The following EYS variants were observed in gnomAD, a reference collection of about 807,000 sequenced individuals.
The protein encoded by EYS is EGF-like photoreceptor maintenance factor.
In EYS, 250 loss-of-function variants were observed where a neutral mutation model predicts 282.1. That is an observed-to-expected ratio of 0.89 (90% CI 0.80 to 0.98). The LOEUF is 0.98. Among genes scored for constraint, EYS ranks in the 50% least tolerant of loss-of-function variants. EYS has a pLI of 0.00. For synonymous variants in EYS, 1,355 were observed against 1,282.9 expected (o/e 1.06, Z -1.20); for missense variants, 4,016 against 3,709.0 (o/e 1.08, Z -2.15).
chr6:63,754,351 C>T (rs1769422005), intron 41 of EYS, among the ~76,000 whole-genome samples: 1 of 152,054 alleles, frequency 6.6e-6, no homozygotes. Flanking sequence ...CAGCCCCCCA[C>T]TCCACAACAG....
At chr6:64,446,985 G>T (rs1041455472) in intron 26 of EYS, among the ~76,000 whole-genome samples, 27 of 126,510 alleles carry the variant, frequency 2.1e-4, no homozygotes, top group Admixed American at 4.1e-4. Context: ...ATGTGTGTGT[G>T]TGGGGGGGGG....
At chr6:65,352,076 C>G (rs1488205947) in intron 9 of EYS, among the ~76,000 whole-genome samples, 1 of 151,848 alleles carries the variant, frequency 6.6e-6, no homozygotes, top group Non-Finnish European at 1.5e-5. Context: ...ATGCTTTGCT[C>G]TCTTCTACCA....
intron 22 of EYS, among the ~76,000 whole-genome samples, chr6:64,695,064 G>A (rs1770528097): frequency 6.6e-6 from 1 of 151,708 alleles, no homozygotes; most frequent in Non-Finnish European, 1.5e-5. Context: ...ATTATTCTAG[G>A]GGCCTGAGAA....
chr6:65,531,728 G>A (rs141058259), intron 2 of EYS, among the ~76,000 whole-genome samples: 142 of 152,264 alleles, frequency 9.3e-4, no homozygotes, highest in Non-Finnish European at 1.6e-3. Flanking sequence ...GCCAGAGCTG[G>A]GAGCAGTAAT....
In EYS at chr6:64,475,550, CAAAAAAA is replaced by C. The variant is rs56710433; in HGVS notation, c.5645-36205_5645-36199del. ...TGGGCGACAGAGCGAGACTCCGTCT[CAAAAAAA>C]AAAAAAAAAAAAAAAAGAAAAGAAA... is the stretch of plus-strand genomic sequence containing the variant. On this transcript the variant is annotated intron_variant, in intron 26 of 42. Coordinates refer to ENST00000503581, the MANE Select transcript of EYS (RefSeq NM_001142800.2). Among the ~76,000 whole-genome samples, 10 of 43,870 alleles carry C rather than the reference CAAAAAAA, an allele frequency of 2.3e-4. 2 individuals are homozygous for C. Among genetic ancestry groups the C allele is most frequent in the Non-Finnish European group, 3.2e-4 (7 of 21,718 alleles). The allele number at this position is 43,870 out of a possible 152,430, so 28.8% of individuals were successfully genotyped here. A position where few individuals can be genotyped will look rare whatever the true frequency, so the allele number is the denominator to read the frequency against.
chr6:63,805,448 G>C (rs1259942768), intron 37 of EYS, among the ~76,000 whole-genome samples: 1 of 152,102 alleles, frequency 6.6e-6, no homozygotes. Context: ...ATAACACATG[G>C]AAAAATGAGA....
intron 31 of EYS, among the ~76,000 whole-genome samples, chr6:64,215,412 T>G (rs2150330031): frequency 6.6e-6 from 1 of 152,196 alleles, no homozygotes; most frequent in South Asian, 2.1e-4. Flanking sequence ...TAAAGGGCTC[T>G]TCAGTGAATT....
At chr6:63,960,673 A>G (rs890419398) in intron 35 of EYS, among the ~76,000 whole-genome samples, 24 of 152,110 alleles carry the variant, frequency 1.6e-4, no homozygotes, top group African/African-American at 5.1e-4. Flanking sequence ...GTCAGCAGTG[A>G]TCAATATCAA....
intron 41 of EYS, among the ~76,000 whole-genome samples, chr6:63,742,347 T>C (rs1364609024): frequency 6.6e-6 from 1 of 152,192 alleles, no homozygotes; most frequent in Non-Finnish European, 1.5e-5. Flanking sequence ...GGCTTTAAGC[T>C]ACTTTGGATG....
chr6:65,594,001 A>G (rs1231803787), intron 2 of EYS, among the ~76,000 whole-genome samples: 1 of 151,994 alleles, frequency 6.6e-6, no homozygotes, highest in East Asian at 1.9e-4. Flanking sequence ...GCTGTTAGGT[A>G]GCATAGACAT....
intron 35 of EYS, among the ~76,000 whole-genome samples, chr6:63,883,662 G>C (rs1468809600): frequency 3.9e-5 from 6 of 152,118 alleles, no homozygotes; most frequent in Non-Finnish European, 1.5e-5. Flanking sequence ...CTTGCTCCTT[G>C]GGACTGCCTC....
intron 26 of EYS, among the ~76,000 whole-genome samples, chr6:64,574,052 C>A (rs1765805005): frequency 6.6e-6 from 1 of 152,052 alleles, no homozygotes; most frequent in African/African-American, 2.4e-5. Flanking sequence ...ATAGACTGGA[C>A]AAAGAAAATG....
chr6:64,634,511 A>G (rs1358887793), intron 22 of EYS, among the ~76,000 whole-genome samples: 4 of 148,088 alleles, frequency 2.7e-5, no homozygotes, highest in Non-Finnish European at 5.9e-5. Context: ...ATGAGTGGCT[A>G]TCTTGTGCGT....
At chr6:64,873,178 G>A (rs1052672633) in intron 19 of EYS, among the ~76,000 whole-genome samples, 4 of 152,052 alleles carry the variant, frequency 2.6e-5, no homozygotes, top group Non-Finnish European at 5.9e-5. Flanking sequence ...ATGGCAGAAG[G>A]TGAAAGGCAC....
chr6:65,038,513 G>C (rs775143864), intron 13 of EYS, among the ~76,000 whole-genome samples: 2 of 151,074 alleles, frequency 1.3e-5, no homozygotes, highest in African/African-American at 2.4e-5. Context: ...CCAAATCTGG[G>C]TTACAATCAA....
intron 31 of EYS, among the ~76,000 whole-genome samples, chr6:64,141,617 A>G (rs565924791): frequency 1.7e-3 from 265 of 152,308 alleles, no homozygotes; most frequent in African/African-American, 6.0e-3. Context: ...GTTGAAATTC[A>G]CTGACTGAAA....
intron 2 of EYS, among the ~76,000 whole-genome samples, chr6:65,560,273 T>C (rs1018364251): frequency 4.2e-5 from 6 of 144,218 alleles, no homozygotes; most frequent in Non-Finnish European, 7.6e-5. Context: ...ATATATAACA[T>C]ATAACATATT....
intron 5 of EYS, among the ~76,000 whole-genome samples, chr6:65,473,371 A>C (rs2127244047): frequency 6.6e-6 from 1 of 152,082 alleles, no homozygotes; most frequent in Admixed American, 6.6e-5. Flanking sequence ...AAGAAGCAAT[A>C]GAATATTAAA....
chr6:63,953,631 A>C (rs1051082557), intron 35 of EYS, among the ~76,000 whole-genome samples: 2 of 152,174 alleles, frequency 1.3e-5, no homozygotes, highest in African/African-American at 4.8e-5. Flanking sequence ...CATCCTGGCT[A>C]AACCATTATA....
Sources: gnomAD v4.1 joint callset for allele counts (sites outside exome capture counted in the v4.1 genomes callset) on GRCh38, gnomAD v4.1.1 for gene constraint, MANE v1.5 for transcripts, NCBI Gene and HGNC (gene_info 2026-07-23, HGNC 2026-07-21) for gene names.